DNA2: variants seen among roughly 807,000 people sequenced by gnomAD.
DNA2 encodes DNA replication ATP-dependent helicase/nuclease DNA2.
In DNA2, 101 loss-of-function variants were observed where a neutral mutation model predicts 119.1. The observed-to-expected ratio is 0.85, with a 90% CI of 0.72 to 1.00. The LOEUF (loss-of-function observed/expected upper bound fraction) is 1.00. Among genes scored for constraint, DNA2 ranks in the 50% least tolerant of loss-of-function variants. DNA2 has a pLI of 0.00. For synonymous variants in DNA2, 366 were observed against 424.4 expected, an observed-to-expected ratio of 0.86 and a Z score of 1.69; for missense variants, 1,121 against 1,255.5, an observed-to-expected ratio of 0.89 and a Z score of 1.62.
chr10:68,421,169 C>A (rs913574660), intron 17 of DNA2, among the ~76,000 whole-genome samples: 1 of 143,778 alleles, frequency 7.0e-6, no homozygotes, highest in African/African-American at 2.8e-5. Context: ...ACTCCTGACC[C>A]CAGTGATCCA....
In DNA2 at chr10:68,430,425, A is replaced by G. The variant is rs753976242; in HGVS notation, c.2208+11T>C. ...TAACTGTTAGTATTATTATACAATA[A>G]TTGTGCTTACTTGACTATTGTAGAG... On this transcript the variant is annotated intron_variant, in intron 14 of 20. Transcript: ENST00000358410. The G allele has an allele frequency of 1.9e-6, 3 of 1,542,664 alleles. No homozygotes were observed. Among genetic ancestry groups the G allele is most frequent in the Non-Finnish European group, 2.7e-6 (3 of 1,126,690 alleles).
intron 18 of DNA2, 138 bp from the exon 19 acceptor site, chr10:68,419,351 A>G (rs2051635922): frequency 1.5e-6 from 1 of 658,410 alleles, no homozygotes; most frequent in Non-Finnish European, 2.4e-6. Flanking sequence ...ACTGAATACA[A>G]TTACTGAATT....
At position 68,419,017 on chromosome 10, in the gene DNA2, A is replaced by T; in HGVS notation, c.2967+17T>A. On this transcript the variant is annotated intron_variant, in intron 19 of 20. Transcript: ENST00000358410. ...GAAATGCCCCAAATGAATCAGTAGC[A>T]AACACAATTAACTCACAGTTCCATC... 6.4e-7 allele frequency: 1 copy of T among 1,564,648 alleles called. No homozygotes were observed. Among genetic ancestry groups the T allele is most frequent in the Non-Finnish European group, 8.6e-7 (1 of 1,158,906 alleles).
chr10:68,432,466 T>G lies in DNA2; in HGVS notation c.1691A>C (p.Gln564Pro). 6.3e-7 allele frequency: 1 copy of G among 1,580,270 alleles called. No individual in the cohort carries two copies. The highest frequency in any genetic ancestry group is 8.6e-7 in the Non-Finnish European group (1 of 1,163,470). Residue 564 changes from glutamine (Q) to proline (P), a missense_variant, in exon 11 of 21, where the codon CAA becomes CCA. Gln to Pro is a moderately conservative substitution (Grantham distance 76, BLOSUM62 -1). Transcript: ENST00000358410. ...LPESTLFRLD[Q>P]EEKNCDIDTP... ...ATCTATATCACAATTTTTTTCTTCTTGGTCTAATCTGAACAAAGTTGATTC... is the reference window on the plus strand; with the variant it reads ...ATCTATATCACAATTTTTTTCTTCTGGGTCTAATCTGAACAAAGTTGATTC...
chr10:68,446,371 G>C lies in DNA2; in HGVS notation c.982C>G (p.Pro328Ala), dbSNP rs770255439. Residue 328 changes from proline (P) to alanine (A), a missense_variant, in exon 7 of 21, where the codon CCA becomes GCA. Pro to Ala is a conservative substitution (Grantham distance 27). Transcript: ENST00000358410. ...TLLSQERRAD[P>A]EAGLLLYLKT... ...AGGTAGAGAAGCAAGCCAGCCTCTG[G>C]ATCAGCTCTTCTCTCTTGGCTTAGT... is the stretch of plus-strand genomic sequence containing the variant. The C allele has an allele frequency of 1.3e-4, 201 of 1,597,652 alleles. 1 individual carries two copies. The highest frequency in any genetic ancestry group is 2.6e-5 in the Non-Finnish European group (31 of 1,171,830).
intron 9 of DNA2, among the ~76,000 whole-genome samples, chr10:68,439,945 CATGAGCTGAGAT>C (rs2051945517): frequency 1.3e-5 from 2 of 151,636 alleles, no homozygotes; most frequent in Admixed American, 6.6e-5. Flanking sequence ...GCAGAGGTTG[CATGAGCTGAGAT>C]CGTGCCACTG....
intron 10 of DNA2, chr10:68,436,728 G>A (rs1423308494): frequency 4.0e-6 from 1 of 252,776 alleles, no homozygotes; most frequent in Non-Finnish European, 7.5e-6. Flanking sequence ...TACATGAGAT[G>A]TCCAGAATGG....
In DNA2 at chr10:68,446,285, A is replaced by AAC; in HGVS notation, c.1057+9_1057+10dup. On this transcript the variant is annotated intron_variant, in intron 7 of 20. Transcript: ENST00000358410. The stretch of plus-strand genomic sequence containing the variant: ...GGCAAAGAAGTAAAACTAAAAAAAA[A>AAC]ACGGCTCAACCTCTTTTATCTAGAT... The AAC allele has an allele frequency of 6.7e-7, 1 of 1,495,886 alleles. No homozygotes were observed. 92.7% of individuals were successfully genotyped at this position (1,495,886 alleles called of 1,614,324 possible). A position where few individuals can be genotyped will look rare whatever the true frequency, so the allele number is the denominator to read the frequency against.
intron 4 of DNA2, chr10:68,461,357 G>A (rs2052255455): frequency 6.6e-6 from 1 of 152,096 alleles, no homozygotes; most frequent in Non-Finnish European, 1.5e-5. Context: ...AAGAATCCAC[G>A]ATCTTATATG....
At chr10:68,445,651 A>G (rs1297792240) in intron 7 of DNA2, among the ~76,000 whole-genome samples, 2 of 152,184 alleles carry the variant, frequency 1.3e-5, no homozygotes, top group East Asian at 1.9e-4. Context: ...TCTTTAAACT[A>G]TATATTTCGT....
chr10:68,432,649 A>G (rs186808756), intron 10 of DNA2, 139 bp from the exon 11 acceptor site: 101 of 651,094 alleles, frequency 1.6e-4, no homozygotes, highest in Admixed American at 2.6e-4. Flanking sequence ...ACACTTGCCA[A>G]TCAAGGACAG....
intron 9 of DNA2, among the ~76,000 whole-genome samples, chr10:68,441,167 T>TAA (rs1327381945): frequency 7.0e-6 from 1 of 142,476 alleles, no homozygotes; most frequent in African/African-American, 2.5e-5. Flanking sequence ...ACCCCATCTC[T>TAA]AAAAAAAAAA....
chr10:68,445,459 G>A (rs531954680), intron 7 of DNA2, among the ~76,000 whole-genome samples: 2 of 151,596 alleles, frequency 1.3e-5, no homozygotes, highest in South Asian at 4.2e-4. Flanking sequence ...GCGAAACTCG[G>A]TCTCAAAAAA....
intron 6 of DNA2, among the ~76,000 whole-genome samples, chr10:68,448,792 T>TTATC (rs749305976): frequency 2.3e-4 from 34 of 146,118 alleles, no homozygotes; most frequent in Admixed American, 1.5e-3. Flanking sequence ...ATTTATTTAT[T>TTATC]TTTGAGATGG....
chr10:68,454,175 T>G (rs2133421934), intron 5 of DNA2, among the ~76,000 whole-genome samples: 1 of 152,298 alleles, frequency 6.6e-6, no homozygotes, highest in Admixed American at 6.5e-5. Flanking sequence ...CTCTTCACTT[T>G]TATTATTTTC....
Position 68,429,643 on chromosome 10 carries a change from C to T in DNA2, c.2208+793G>A, listed in dbSNP as rs185144950. On this transcript the variant is annotated intron_variant, in intron 14 of 20. Transcript: ENST00000358410. ...AGGAAAATGGTGTGAACCCAGGAGG[C>T]GAAGCTTGCAGTGAGCCAGGATCGC... Among the ~76,000 whole-genome samples, 510 of 124,164 alleles carry T rather than the reference C, an allele frequency of 4.1e-3. 13 individuals are homozygous for T. In the Admixed American group the frequency reaches 0.044, roughly 11 times the overall value. 81.5% of individuals were successfully genotyped at this position (124,164 alleles called of 152,430 possible). A position where few individuals can be genotyped will look rare whatever the true frequency, so the allele number is the denominator to read the frequency against.
At chr10:68,431,433 T>C (rs887870043) in intron 13 of DNA2, among the ~76,000 whole-genome samples, 1 of 152,020 alleles carries the variant, frequency 6.6e-6, no homozygotes, top group African/African-American at 2.4e-5. Context: ...TATAGGCGCA[T>C]GCCACTACGC....
At chr10:68,416,910 T>G (rs1422090993) in intron 19 of DNA2, 55 bp from the exon 20 acceptor site, 17 of 1,485,382 alleles carry the variant, frequency 1.1e-5, no homozygotes, top group Non-Finnish European at 1.5e-5. Context: ...TTAAATATAT[T>G]ACAACACATC....
At chr10:68,452,204 T>C (rs542858680) in intron 5 of DNA2, among the ~76,000 whole-genome samples, 1 of 151,772 alleles carries the variant, frequency 6.6e-6, no homozygotes, top group South Asian at 2.1e-4. Context: ...TGTTTCAGCC[T>C]CCCAAGTAGC....
Sources: gnomAD v4.1 joint callset for allele counts (sites outside exome capture counted in the v4.1 genomes callset) on GRCh38, gnomAD v4.1.1 for gene constraint, MANE v1.5 for transcripts, NCBI Gene and HGNC (gene_info 2026-07-23, HGNC 2026-07-21) for gene names.